The following DOCK8 variants were observed in gnomAD, a reference collection of about 807,000 sequenced individuals.
DOCK8 encodes dedicator of cytokinesis 8, also known as dedicator of cytokinesis protein 8.
Under a neutral mutation model 245.6 loss-of-function variants are expected in DOCK8, and 141 were observed. The ratio of observed to expected loss-of-function variants is 0.57; its 90% CI spans 0.50 to 0.66. DOCK8 has a LOEUF of 0.66. Ranked by LOEUF, DOCK8 falls within the 30% of genes least tolerant of loss-of-function variation. The pLI, the probability that DOCK8 is intolerant of heterozygous loss-of-function variation, is 0.00. For synonymous variants in DOCK8, 1,168 were observed against 970.2 expected (o/e 1.20, Z -3.79); for missense variants, 2,965 against 2,603.4 (o/e 1.14, Z -3.02).
chr9:341,273 C>T (rs1432694953), intron 14 of DOCK8, among the ~76,000 whole-genome samples: 1 of 152,220 alleles, frequency 6.6e-6, no homozygotes, highest in African/African-American at 2.4e-5. Context: ...ACAGGTTGGG[C>T]TGCCTTGGTT....
rs540252122 is a variant in DOCK8 at position 349,241 on chromosome 9, G to C, written c.1679+8920G>C. ...CCATGGCTAATTCATCAGATGTCAT[G>C]TGTCTTTTATAGTTAAAAGATGAAA... On this transcript the variant is annotated intron_variant, in intron 14 of 47. Transcript: ENST00000432829. 2.0e-5 allele frequency among the ~76,000 whole-genome samples: 3 copies of C among 152,340 alleles called. No homozygotes were observed. In the South Asian group the frequency reaches 6.2e-4, roughly 32 times the overall value.
intron 44 of DOCK8, among the ~76,000 whole-genome samples, chr9:447,648 G>A (rs4741954): frequency 0.77 from 117,332 of 151,696 alleles, 46,005 homozygotes; most frequent in East Asian, 0.99. Context: ...CCACACCCAT[G>A]GTTCATCAGT....
At chr9:278,107 A>G (rs12352476) in intron 2 of DOCK8, among the ~76,000 whole-genome samples, 21,028 of 152,254 alleles carry the variant, frequency 0.14, 3,049 homozygotes, top group African/African-American at 0.37. Flanking sequence ...CAAATTCACA[A>G]TGGAAGATAA....
Position 363,984 on chromosome 9 carries a change from A to G in DOCK8, c.1680-4034A>G, listed in dbSNP as rs572465132. Among the ~76,000 whole-genome samples the G allele has an allele frequency of 7.9e-5, 12 of 152,342 alleles. No individual in the cohort carries two copies. In the South Asian group the frequency reaches 2.5e-3, roughly 32 times the overall value. On this transcript the variant is annotated intron_variant, in intron 14 of 47. Transcript: ENST00000432829. ...AAAGCACCTTCACAAACTCTGGCTCATTATTCCTTCAAACACAGCATTCAA... is the reference window on the plus strand; with the variant it reads ...AAAGCACCTTCACAAACTCTGGCTCGTTATTCCTTCAAACACAGCATTCAA...
chr9:224,524 G>A (rs978347735), intron 1 of DOCK8, among the ~76,000 whole-genome samples: 3 of 152,132 alleles, frequency 2.0e-5, no homozygotes, highest in African/African-American at 7.2e-5. Context: ...GCTCAGGGAG[G>A]CCCAGTCCCT....
chr9:400,013 T>TCACCACCACCTCCACCATCAC (rs1463781965), intron 26 of DOCK8, among the ~76,000 whole-genome samples: 4 of 45,694 alleles, frequency 8.8e-5, no homozygotes, highest in Admixed American at 5.3e-4. Flanking sequence ...ACCTCCACCA[T>TCACCACCACCTCCACCATCAC]CACCACCACC....
intron 42 of DOCK8, among the ~76,000 whole-genome samples, chr9:443,150 T>C (rs972842404): frequency 1.6e-4 from 25 of 152,140 alleles, no homozygotes; most frequent in African/African-American, 5.8e-4. Context: ...AAGTAAAGAG[T>C]GTGATACCCC....
intron 1 of DOCK8, among the ~76,000 whole-genome samples, chr9:238,245 C>T (rs927929419): frequency 6.6e-6 from 1 of 152,156 alleles, no homozygotes; most frequent in Non-Finnish European, 1.5e-5. Flanking sequence ...CATCCCAGCT[C>T]CACTGATTCC....
rs376825966 is a variant in DOCK8, at chr9:400,821, C to T, written c.3234+1562C>T. Among the ~76,000 whole-genome samples, 246 of 38,074 alleles carry T rather than the reference C, an allele frequency of 6.5e-3. 4 individuals are homozygous for T. Among genetic ancestry groups the T allele is most frequent in the African/African-American group, 0.015 (70 of 4,552 alleles). 25.0% of individuals were successfully genotyped at this position (38,074 alleles called of 152,430 possible). A position where few individuals can be genotyped will look rare whatever the true frequency, so the allele number is the denominator to read the frequency against. On this transcript the variant is annotated intron_variant, in intron 26 of 47. Transcript: ENST00000432829. The stretch of plus-strand genomic sequence containing the variant: ...ACCACCTCCACCATCACCACCACCT[C>T]CACCATCACCATCACCACCACCTCC...
intron 2 of DOCK8, among the ~76,000 whole-genome samples, chr9:275,320 T>C (rs926197167): frequency 5.9e-5 from 9 of 152,144 alleles, no homozygotes; most frequent in Admixed American, 3.9e-4. Context: ...GAACAGGTAA[T>C]GTAGAATATA....
chr9:218,344 G>A (rs1417567272), intron 1 of DOCK8, among the ~76,000 whole-genome samples: 1 of 152,180 alleles, frequency 6.6e-6, no homozygotes, highest in Non-Finnish European at 1.5e-5. Flanking sequence ...GTTCAGTTCT[G>A]ACCACACCAG....
At chr9:374,592 G>C (rs1361146534) in intron 18 of DOCK8, among the ~76,000 whole-genome samples, 1 of 149,284 alleles carries the variant, frequency 6.7e-6, no homozygotes, top group African/African-American at 2.5e-5. Flanking sequence ...CTCCTTAGTA[G>C]CTGGGACTAT....
chr9:355,728 A>C (rs1488613107), intron 14 of DOCK8, among the ~76,000 whole-genome samples: 2 of 152,276 alleles, frequency 1.3e-5, no homozygotes, highest in Admixed American at 1.3e-4. Context: ...GTACATATGA[A>C]GGAATGGATT....
chr9:400,934 TCCACCA>T (rs1156392796), intron 26 of DOCK8, among the ~76,000 whole-genome samples: 24 of 20,534 alleles, frequency 1.2e-3, no homozygotes, highest in Middle Eastern at 0.05. Flanking sequence ...CACCACAACA[TCCACCA>T]CCACCATCAC....
At chr9:314,214 T>G (rs756592887) in intron 6 of DOCK8, 8 of 152,356 alleles carry the variant, frequency 5.3e-5, no homozygotes, top group Middle Eastern at 3.4e-3. Flanking sequence ...TCCACGACAT[T>G]AAGACTTTTT....
At chr9:213,160 A>G (rs1316929525), upstream of DOCK8, 2 of 152,112 alleles carry the variant, frequency 1.3e-5, no homozygotes, top group African/African-American at 4.8e-5. Context: ...TATGTAGTCT[A>G]TTGTAGTCTA....
Position 390,536 on chromosome 9 carries a change from C to A in DOCK8, c.2940C>A (p.Phe980Leu), listed in dbSNP as rs1255262676. The A allele has an allele frequency of 6.2e-7, 1 of 1,614,178 alleles. No individual in the cohort carries two copies. The highest frequency in any genetic ancestry group is 8.5e-7 in the Non-Finnish European group (1 of 1,180,020). ...CCGGAATGGTGAGAGAAACAGTCTTCAAGTATGCCTGGTTCTTCTTTGAGC... is the reference window on the plus strand; with the variant it reads ...CCGGAATGGTGAGAGAAACAGTCTTAAAGTATGCCTGGTTCTTCTTTGAGC... ...VSTGMVRETV[F>L]KYAWFFFELL... Residue 980 changes from phenylalanine to leucine, a missense_variant, in exon 24 of 48, where the codon TTC becomes TTA. Coordinates refer to ENST00000432829, the MANE Select transcript of DOCK8 (RefSeq NM_203447.4).
chr9:464,670 T>C lies in DOCK8; in HGVS notation c.*451T>C, dbSNP rs2057916345. On this transcript the variant is annotated 3_prime_UTR_variant, in exon 48 of 48. Transcript: ENST00000432829. ...CTCTTTATAGGAAGGCAGGGCAAAC[T>C]TGTAGGAGTACGAAACATTTTCAAT... The C allele has an allele frequency of 9.8e-6, 2 of 203,134 alleles. No homozygotes were observed. Among genetic ancestry groups the C allele is most frequent in the South Asian group, 1.6e-4 (2 of 12,382 alleles). 12.6% of individuals were successfully genotyped at this position (203,134 alleles called of 1,614,324 possible). A position where few individuals can be genotyped will look rare whatever the true frequency, so the allele number is the denominator to read the frequency against.
In DOCK8 at chr9:294,646, G is replaced by A. The variant is rs909089785; in HGVS notation, c.404+5065G>A. The stretch of plus-strand genomic sequence containing the variant: ...TACATAAAACCTATGTGCAAATACA[G>A]CAGTTTAGCAGTTTTATTTGTAATT... On this transcript the variant is annotated intron_variant, in intron 4 of 47. Transcript: ENST00000432829. Among the ~76,000 whole-genome samples the A allele has an allele frequency of 3.3e-5, 5 of 152,284 alleles. 1 individual carries two copies. Among genetic ancestry groups the A allele is most frequent in the East Asian group, 3.9e-4 (2 of 5,190 alleles).
Sources: allele counts gnomAD v4.1 joint callset (sites outside exome capture counted in the v4.1 genomes callset), GRCh38; gene constraint gnomAD v4.1.1; transcripts MANE v1.5; gene names NCBI Gene and HGNC (gene_info 2026-07-23, HGNC 2026-07-21).